PAWR: variants seen among roughly 807,000 people sequenced by gnomAD.
PAWR encodes PRKC apoptosis WT1 regulator protein.
In PAWR, 23 loss-of-function variants were observed where a neutral mutation model predicts 32.0. The observed-to-expected ratio is 0.72, with a 90% CI of 0.52 to 1.02. PAWR has a LOEUF of 1.02. PAWR is among the 50% of genes least tolerant of loss of function. PAWR has a pLI of 0.00. For synonymous variants in PAWR, 226 were observed against 187.1 expected (o/e 1.21, Z -1.70); for missense variants, 457 against 437.7 (o/e 1.04, Z -0.39).
intron 2 of PAWR, among the ~76,000 whole-genome samples, chr12:79,677,658 A>G (rs940967891): frequency 6.6e-6 from 1 of 152,172 alleles, no homozygotes; most frequent in Non-Finnish European, 1.5e-5. Context: ...TTCCTAAAAC[A>G]TGGTTTGGAG....
At chr12:79,619,638 C>A (rs569249042) in intron 3 of PAWR, among the ~76,000 whole-genome samples, 42 of 152,140 alleles carry the variant, frequency 2.8e-4, no homozygotes, top group Non-Finnish European at 5.0e-4. Context: ...ATCATTGAAA[C>A]GGCTTGTAAA....
At chr12:79,628,782 A>G (rs887567091) in intron 2 of PAWR, among the ~76,000 whole-genome samples, 2 of 152,140 alleles carry the variant, frequency 1.3e-5, no homozygotes, top group Non-Finnish European at 1.5e-5. Context: ...TCTCCTTAAC[A>G]TGTAAGTGAT....
rs527587080 is a variant in PAWR, at chr12:79,688,709, T to C, written c.516+1020A>G. ...GGTATATTTAATATACACCCTAACT[T>C]ATTGCAAATGCTTCTACTTAAACCA... On this transcript the variant is annotated intron_variant, in intron 2 of 6. Coordinates refer to ENST00000328827, the MANE Select transcript of PAWR (RefSeq NM_002583.4). Among the ~76,000 whole-genome samples the C allele has an allele frequency of 3.4e-4, 52 of 152,278 alleles. No homozygotes were observed. The East Asian group carries it at 5.2e-3, about 15-fold the overall frequency.
intron 1 of PAWR, 59 bp from the exon 2 acceptor site, chr12:79,690,450 A>AG (rs920421163): frequency 1.5e-5 from 17 of 1,117,028 alleles, no homozygotes; most frequent in Non-Finnish European, 2.0e-5. Context: ...GCCCGACCCA[A>AG]GGGTCTGCCC....
chr12:79,686,588 T>G (rs1878689921), intron 2 of PAWR, among the ~76,000 whole-genome samples: 1 of 152,222 alleles, frequency 6.6e-6, no homozygotes, highest in African/African-American at 2.4e-5. Context: ...AGCAAACATT[T>G]TTTTAAAGAT....
intron 4 of PAWR, chr12:79,603,665 C>CAATTTTTTTTTTTTTTTTTTTTTTTTTTT (rs1565998443): frequency 7.1e-6 from 1 of 141,452 alleles, no homozygotes; most frequent in African/African-American, 2.6e-5. Context: ...CATCATTATG[C>CAATTTTTTTTTTTTTTTTTTTTTTTTTTT]TATTTTTTTT....
chr12:79,628,735 GAAT>G (rs1472321039), intron 2 of PAWR, among the ~76,000 whole-genome samples: 1 of 152,036 alleles, frequency 6.6e-6, no homozygotes, highest in Non-Finnish European at 1.5e-5. Context: ...GTCAATACAT[GAAT>G]AAATATAAGA....
At chr12:79,627,002 A>C (rs893483198) in intron 2 of PAWR, among the ~76,000 whole-genome samples, 1 of 152,108 alleles carries the variant, frequency 6.6e-6, no homozygotes, top group Non-Finnish European at 1.5e-5. Flanking sequence ...TTGGATATTT[A>C]GGTTGGTTCC....
At chr12:79,618,832 C>T (rs77155787) in intron 3 of PAWR, among the ~76,000 whole-genome samples, 1 of 151,828 alleles carries the variant, frequency 6.6e-6, no homozygotes, top group African/African-American at 2.4e-5. Flanking sequence ...TCTGTAGCCA[C>T]AACAATTTCC....
intron 2 of PAWR, among the ~76,000 whole-genome samples, chr12:79,666,066 T>C (rs533294297): frequency 1.7e-4 from 26 of 152,316 alleles, no homozygotes; most frequent in Non-Finnish European, 3.1e-4. Flanking sequence ...TTAGTTGATA[T>C]AGTACTAAAA....
At chr12:79,622,929 A>G (rs1875094524) in intron 2 of PAWR, among the ~76,000 whole-genome samples, 1 of 152,168 alleles carries the variant, frequency 6.6e-6, no homozygotes, top group South Asian at 2.1e-4. Context: ...GAGGACTCGA[A>G]AGGCATAGAG....
chr12:79,649,600 C>A (rs533683557), intron 2 of PAWR, among the ~76,000 whole-genome samples: 10 of 152,032 alleles, frequency 6.6e-5, no homozygotes, highest in African/African-American at 2.4e-4. Context: ...CAGCCCGGTG[C>A]AACATAGCAA....
At chr12:79,622,183 A>G (rs944427103) in intron 2 of PAWR, among the ~76,000 whole-genome samples, 1 of 152,186 alleles carries the variant, frequency 6.6e-6, no homozygotes, top group African/African-American at 2.4e-5. Flanking sequence ...GCAAACCAAG[A>G]AGGTGCACTG....
chr12:79,613,587 C>A lies in PAWR; in HGVS notation c.671G>T (p.Gly224Val). Residue 224 changes from glycine to valine, a missense_variant, in exon 4 of 7, where the codon GGC (glycine) becomes GTC (valine). Coordinates refer to ENST00000328827, the MANE Select transcript of PAWR (RefSeq NM_002583.4). ...TAAGGATTCTTACCTTTTATATCTG[C>A]CTGAAACTGTTCTAGGTGGCTCCTG... ...LLQEPPRTVS[G>V]RYKSTTSVSE... 1.3e-6 allele frequency: 2 copies of A among 1,543,672 alleles called. No individual in the cohort carries two copies. Among genetic ancestry groups the A allele is most frequent in the Admixed American group, 1.7e-5 (1 of 58,850 alleles).
chr12:79,674,515 G>C (rs1452729472), intron 2 of PAWR, among the ~76,000 whole-genome samples: 1 of 151,922 alleles, frequency 6.6e-6, no homozygotes, highest in Non-Finnish European at 1.5e-5. Context: ...TCATGATGAA[G>C]ACTCCAAAAG....
chr12:79,671,535 T>C (rs1264849044), intron 2 of PAWR, among the ~76,000 whole-genome samples: 2 of 152,216 alleles, frequency 1.3e-5, no homozygotes, highest in Non-Finnish European at 2.9e-5. Context: ...TGAATGGGTA[T>C]TGGATCTTGT....
chr12:79,641,470 A>C (rs910227653), intron 2 of PAWR, among the ~76,000 whole-genome samples: 9 of 152,186 alleles, frequency 5.9e-5, no homozygotes, highest in African/African-American at 2.2e-4. Context: ...GTTTTATGAC[A>C]ATTAGCTTAT....
intron 2 of PAWR, among the ~76,000 whole-genome samples, chr12:79,665,004 C>T (rs1253835313): frequency 1.3e-5 from 2 of 152,046 alleles, no homozygotes; most frequent in Non-Finnish European, 2.9e-5. Context: ...TTCCAAAAGT[C>T]AACAATAGTT....
In PAWR at chr12:79,621,156, C is replaced by T. The variant is rs1301524151; in HGVS notation, c.568G>A (p.Glu190Lys). The T allele has an allele frequency of 1.2e-6, 2 of 1,611,348 alleles. No homozygotes were observed. Among genetic ancestry groups the T allele is most frequent in the Non-Finnish European group, 1.7e-6 (2 of 1,178,656 alleles). ...GTGTTCTGTTGTGTAATTGCATCTT[C>T]TCGTTTCCGCTCTTTCTGCCCTGCT... ...DEAGQKERKR[E>K]DAITQQNTIQ... The change falls in exon 3 of 7, where the codon GAA becomes AAA. Residue 190 changes from glutamate to lysine, a missense_variant. By Grantham distance (56) the Glu-to-Lys change is moderately conservative. Coordinates refer to ENST00000328827, the MANE Select transcript of PAWR (RefSeq NM_002583.4).
Sources: gnomAD v4.1 joint callset for allele counts (sites outside exome capture counted in the v4.1 genomes callset) on GRCh38, gnomAD v4.1.1 for gene constraint, MANE v1.5 for transcripts, NCBI Gene and HGNC (gene_info 2026-07-23, HGNC 2026-07-21) for gene names.